The following PCDHA3 variants were observed in gnomAD, a reference collection of about 807,000 sequenced individuals.
PCDHA3 encodes protocadherin alpha 3, also known as protocadherin alpha-3.
PCDHA3 carries 41 observed loss-of-function variants against 62.2 expected under a neutral mutation model. The observed-to-expected ratio is 0.66, with a 90% confidence interval of 0.51 to 0.86. The LOEUF (loss-of-function observed/expected upper bound fraction) is 0.86. Ranked by LOEUF, PCDHA3 falls within the 40% of genes least tolerant of loss-of-function variation. The pLI is 0.00. For synonymous variants in PCDHA3, 640 were observed against 555.4 expected, an observed-to-expected ratio of 1.15 and a Z score of -2.14; for missense variants, 1,304 against 1,241.2, an observed-to-expected ratio of 1.05 and a Z score of -0.76.
In PCDHA3 at chr5:141,000,611, A is replaced by T. The variant is rs185617081; in HGVS notation, c.2543-9016A>T. Among the ~76,000 whole-genome samples the T allele has an allele frequency of 4.7e-3, 713 of 150,994 alleles. 3 individuals carry two copies. Among genetic ancestry groups the T allele is most frequent in the Non-Finnish European group, 7.5e-3 (505 of 67,758 alleles). ...CCCAGCTAATTTTTGTATTTTTAGT[A>T]GAGACAGGGTTTCACCATGTTGGGC... On this transcript the variant is annotated intron_variant, in intron 3 of 3. Transcript: ENST00000522353.
At chr5:140,838,873 C>T (rs1006134585) in intron 1 of PCDHA3, among the ~76,000 whole-genome samples, 8 of 151,796 alleles carry the variant, frequency 5.3e-5, no homozygotes, top group Non-Finnish European at 1.0e-4. Context: ...AGTTATCATG[C>T]CACTGAACTC....
intron 1 of PCDHA3, among the ~76,000 whole-genome samples, chr5:140,898,901 T>C (rs1196685970): frequency 7.9e-5 from 12 of 152,172 alleles, no homozygotes; most frequent in Admixed American, 7.9e-4. Context: ...GAAGAGGTCC[T>C]TCACGTCCCT....
intron 3 of PCDHA3, among the ~76,000 whole-genome samples, chr5:140,999,429 A>G (rs1554256798): frequency 6.6e-6 from 1 of 152,190 alleles, no homozygotes. Flanking sequence ...GAGGCCAAGT[A>G]CCTTGCCTCT....
At chr5:140,982,878 C>T (rs2097013352) in intron 3 of PCDHA3, among the ~76,000 whole-genome samples, 1 of 151,992 alleles carries the variant, frequency 6.6e-6, no homozygotes, top group South Asian at 2.1e-4. Flanking sequence ...TCATCCAAGC[C>T]ATGCAGAGAA....
At chr5:141,009,327 C>A (rs1445732436) in intron 3 of PCDHA3, among the ~76,000 whole-genome samples, 3 of 152,142 alleles carry the variant, frequency 2.0e-5, no homozygotes, top group Non-Finnish European at 2.9e-5. Context: ...GGCATGGGAG[C>A]TTGTGCCTGT....
chr5:140,858,622 G>T, intron 1 of PCDHA3: 1 of 1,136,482 alleles, frequency 8.8e-7, no homozygotes, highest in Non-Finnish European at 1.2e-6. Flanking sequence ...ATCCTACCCA[G>T]TGTGTCAGCC....
intron 1 of PCDHA3, among the ~76,000 whole-genome samples, chr5:140,971,717 T>C (rs2096494226): frequency 6.6e-6 from 1 of 152,012 alleles, no homozygotes; most frequent in Non-Finnish European, 1.5e-5. Flanking sequence ...TATAGATATA[T>C]GTATATCATA....
At chr5:140,836,149 A>G in intron 1 of PCDHA3, 1 of 1,613,754 alleles carries the variant, frequency 6.2e-7, no homozygotes, top group Non-Finnish European at 8.5e-7. Flanking sequence ...GGCGCGGGCC[A>G]TGTGGTGGCG....
In PCDHA3 at chr5:140,965,644, G is replaced by C. The variant is rs201197561; in HGVS notation, c.2395-13305G>C. On this transcript the variant is annotated intron_variant, in intron 1 of 3. Transcript: ENST00000522353. Reference sequence around the variant, plus strand: ...AAAGAAAAAATTTTAAATTACTCTTGAAAGAAAATGTCTTGGGTGATAAAT... The same window carrying C: ...AAAGAAAAAATTTTAAATTACTCTTCAAAGAAAATGTCTTGGGTGATAAAT... Among the ~76,000 whole-genome samples, 13 of 152,146 alleles carry C rather than the reference G, an allele frequency of 8.5e-5. No individual in the cohort carries two copies. The East Asian group carries it at 2.5e-3, about 29-fold the overall frequency.
At chr5:140,881,650 T>C (rs508730) in intron 1 of PCDHA3, among the ~76,000 whole-genome samples, 2,267 of 152,332 alleles carry the variant, frequency 0.015, 53 homozygotes, top group African/African-American at 0.052. Flanking sequence ...ATTTTTCACC[T>C]TCACCGATTT....
chr5:140,848,619 G>T lies in PCDHA3; in HGVS notation c.2394+45028G>T, dbSNP rs545024019. The T allele has an allele frequency of 8.2e-6, 13 of 1,593,396 alleles. No homozygotes were observed. The highest frequency in any genetic ancestry group is 5.4e-5 in the African/African-American group (4 of 74,388). On this transcript the variant is annotated intron_variant, in intron 1 of 3. Coordinates refer to ENST00000522353, the MANE Select transcript of PCDHA3 (RefSeq NM_018906.3). ...CTCCGTCCCGGAGGAAGCCGAACAC[G>T]GCACCTTCGTGGGCCGCATCGCGCA...
Position 140,801,594 on chromosome 5 carries a change from T to G in PCDHA3, c.397T>G (p.Phe133Val), listed in dbSNP as rs782256695. 1.2e-6 allele frequency: 2 copies of G among 1,614,182 alleles called. No individual in the cohort carries two copies. Among genetic ancestry groups the G allele is most frequent in the Non-Finnish European group, 1.7e-6 (2 of 1,180,032 alleles). The change falls in exon 1 of 4, where the codon TTT (phenylalanine) becomes GTT (valine). Residue 133 changes from phenylalanine to valine, a missense_variant. Transcript: ENST00000522353. ...GGACATTAATGACAACGCGCCAGTTTTTCCAATGGCTGTAAAGAATCTGTT... is the reference window on the plus strand; with the variant it reads ...GGACATTAATGACAACGCGCCAGTTGTTCCAATGGCTGTAAAGAATCTGTT... ...VKDINDNAPV[F>V]PMAVKNLFIS...
At chr5:140,824,610 G>GTTTTTTTTTTTTTTTTTTTTTTTTTTTTT (rs782443702) in intron 1 of PCDHA3, 2 of 95,104 alleles carry the variant, frequency 2.1e-5, no homozygotes, top group Non-Finnish European at 3.8e-5. Context: ...GCTAATTAAA[G>GTTTTTTTTTTTTTTTTTTTTTTTTTTTTT]TTTTTTTTTT....
intron 1 of PCDHA3, among the ~76,000 whole-genome samples, chr5:140,898,794 T>G (rs1487494121): frequency 1.3e-5 from 2 of 152,236 alleles, no homozygotes; most frequent in East Asian, 3.8e-4. Flanking sequence ...ATGGCCATTT[T>G]CACGATACTG....
chr5:140,985,060 C>T (rs1377386395), intron 3 of PCDHA3, among the ~76,000 whole-genome samples: 2 of 152,066 alleles, frequency 1.3e-5, no homozygotes, highest in Admixed American at 6.5e-5. Flanking sequence ...GCCTCAGCCT[C>T]CTGAGTAGCT....
chr5:140,961,435 C>T (rs1554225413), intron 1 of PCDHA3, among the ~76,000 whole-genome samples: 1 of 152,174 alleles, frequency 6.6e-6, no homozygotes, highest in Non-Finnish European at 1.5e-5. Flanking sequence ...TACAAAATCA[C>T]CTAACTACAC....
chr5:140,831,896 C>T (rs1408424935), intron 1 of PCDHA3, among the ~76,000 whole-genome samples: 1 of 152,054 alleles, frequency 6.6e-6, no homozygotes, highest in African/African-American at 2.4e-5. Context: ...CTGTGTTTGC[C>T]AAATAGCAAG....
At chr5:140,824,354 T>C (rs1554129867) in intron 1 of PCDHA3, 1 of 580,246 alleles carries the variant, frequency 1.7e-6, no homozygotes, top group African/African-American at 1.9e-5. Flanking sequence ...AATAATATTT[T>C]ATATTAGCAT....
chr5:140,893,862 C>T (rs1376548113), intron 1 of PCDHA3, among the ~76,000 whole-genome samples: 1 of 152,158 alleles, frequency 6.6e-6, no homozygotes, highest in East Asian at 1.9e-4. Flanking sequence ...TGTATAGAAA[C>T]AACCCAGATC....
Sources: gnomAD v4.1 joint callset for allele counts (sites outside exome capture counted in the v4.1 genomes callset) on GRCh38, gnomAD v4.1.1 for gene constraint, MANE v1.5 for transcripts, NCBI Gene and HGNC (gene_info 2026-07-23, HGNC 2026-07-21) for gene names.